KCNJ3: variants seen among roughly 807,000 people sequenced by gnomAD.
The protein encoded by KCNJ3 is potassium inwardly rectifying channel subfamily J member 3.
KCNJ3 carries 4 observed loss-of-function variants against 39.2 expected under a neutral mutation model. The observed-to-expected ratio is 0.10, with a 90% CI of 0.05 to 0.23. The LOEUF is 0.23. Among genes scored for constraint, KCNJ3 ranks in the 10% least tolerant of loss-of-function variants. The pLI is 1.00. For missense variants in KCNJ3, 276 were observed against 634.9 expected (o/e 0.43, Z 6.08); for synonymous variants, 230 against 237.4 (o/e 0.97, Z 0.29).
intron 2 of KCNJ3, among the ~76,000 whole-genome samples, chr2:154,772,858 A>G (rs957448791): frequency 3.3e-5 from 5 of 152,004 alleles, no homozygotes; most frequent in East Asian, 3.9e-4. Context: ...TAAAGCTTCA[A>G]TCATACAAAC....
intron 2 of KCNJ3, among the ~76,000 whole-genome samples, chr2:154,783,828 A>G (rs776326646): frequency 6.6e-6 from 1 of 152,176 alleles, no homozygotes; most frequent in African/African-American, 2.4e-5. Context: ...TTTTTTAAAA[A>G]TTTGCTGAGT....
intron 2 of KCNJ3, among the ~76,000 whole-genome samples, chr2:154,762,585 C>A (rs1321085605): frequency 6.6e-6 from 1 of 152,130 alleles, no homozygotes; most frequent in Non-Finnish European, 1.5e-5. Context: ...CTCTTGGGAA[C>A]TTGGTTTCCT....
intron 2 of KCNJ3, among the ~76,000 whole-genome samples, chr2:154,761,062 CTTTT>C (rs11375045): frequency 2.2e-5 from 3 of 133,922 alleles, no homozygotes; most frequent in Non-Finnish European, 4.7e-5. Flanking sequence ...TTAATTTTTT[CTTTT>C]TTTTTTTTTT....
At chr2:154,769,124 A>G (rs138711036) in intron 2 of KCNJ3, among the ~76,000 whole-genome samples, 2,491 of 152,250 alleles carry the variant, frequency 0.016, 72 homozygotes, top group African/African-American at 0.057. Flanking sequence ...CAATCATGTC[A>G]TCTGCAAACA....
At chr2:154,740,835 G>A (rs531985802) in intron 2 of KCNJ3, among the ~76,000 whole-genome samples, 1 of 152,094 alleles carries the variant, frequency 6.6e-6, no homozygotes, top group African/African-American at 2.4e-5. Flanking sequence ...ACCAGTTCTA[G>A]CTCTGTACCT....
At chr2:154,715,466 C>T (rs1685166538) in intron 2 of KCNJ3, among the ~76,000 whole-genome samples, 2 of 152,154 alleles carry the variant, frequency 1.3e-5, no homozygotes, top group East Asian at 3.9e-4. Context: ...TCTCATATAG[C>T]ACAAGAGTGG....
At chr2:154,803,797 A>G (rs1686862449) in intron 2 of KCNJ3, among the ~76,000 whole-genome samples, 1 of 152,070 alleles carries the variant, frequency 6.6e-6, no homozygotes, top group African/African-American at 2.4e-5. Context: ...GTCAAGATTA[A>G]TGCTGAATTT....
intron 1 of KCNJ3, among the ~76,000 whole-genome samples, chr2:154,703,477 A>ATG (rs755564498): frequency 2.2e-5 from 3 of 136,642 alleles, no homozygotes; most frequent in South Asian, 4.8e-4. Flanking sequence ...TCCTCCATAT[A>ATG]TATGTGTGTG....
intron 2 of KCNJ3, among the ~76,000 whole-genome samples, chr2:154,774,388 T>TGATG (rs200256113): frequency 0.42 from 64,052 of 151,516 alleles, 13,722 homozygotes; most frequent in African/African-American, 0.47. Flanking sequence ...TTGCATTGCT[T>TGATG]CAAGTGTTTT....
chr2:154,759,683 A>AT (rs1306148162), intron 2 of KCNJ3, among the ~76,000 whole-genome samples: 1 of 152,002 alleles, frequency 6.6e-6, no homozygotes, highest in Non-Finnish European at 1.5e-5. Context: ...CCATGTATTG[A>AT]TTTTTACTTT....
At chr2:154,777,229 T>C (rs1366553614) in intron 2 of KCNJ3, among the ~76,000 whole-genome samples, 1 of 152,236 alleles carries the variant, frequency 6.6e-6, no homozygotes, top group Non-Finnish European at 1.5e-5. Flanking sequence ...TGAATTGCAT[T>C]GCAATAGGCC....
rs1684853395 is a variant in KCNJ3 at position 154,699,701 on chromosome 2, G to A, written c.702+224G>A. 1 of 229,548 alleles carries A rather than the reference G, an allele frequency of 4.4e-6. No homozygotes were observed. Among genetic ancestry groups the A allele is most frequent in the Non-Finnish European group, 7.2e-6 (1 of 138,858 alleles). 14.2% of individuals were successfully genotyped at this position (229,548 alleles called of 1,614,324 possible). A position where few individuals can be genotyped will look rare whatever the true frequency, so the allele number is the denominator to read the frequency against. On this transcript the variant is annotated intron_variant, in intron 1 of 2. Transcript: ENST00000295101. The surrounding 1 kb of genome is among the most constrained non-coding windows in gnomAD (Gnocchi z 6.4). ...TGCTCTTGTTTATATTCGTCATTTC[G>A]GATCTGCTTGTATCACTTACTGGAC...
At chr2:154,764,154 G>C (rs62170802) in intron 2 of KCNJ3, among the ~76,000 whole-genome samples, 7,910 of 152,260 alleles carry the variant, frequency 0.052, 221 homozygotes, top group African/African-American at 0.06. Flanking sequence ...AGTGCTAGCA[G>C]TATCTCCATT....
intron 2 of KCNJ3, among the ~76,000 whole-genome samples, chr2:154,786,156 T>A (rs1368886381): frequency 6.6e-6 from 1 of 152,212 alleles, no homozygotes; most frequent in Admixed American, 6.5e-5. Flanking sequence ...CTTTGGAAAG[T>A]GTTTCAGATC....
chr2:154,770,701 T>G (rs1472825743), intron 2 of KCNJ3, among the ~76,000 whole-genome samples: 1 of 152,118 alleles, frequency 6.6e-6, no homozygotes, highest in African/African-American at 2.4e-5. Context: ...CTAATTTTCA[T>G]TCACTAGAAA....
intron 2 of KCNJ3, among the ~76,000 whole-genome samples, chr2:154,816,200 A>T (rs1054513094): frequency 1.3e-5 from 2 of 152,204 alleles, no homozygotes; most frequent in South Asian, 2.1e-4. Context: ...CAGTTAAAAA[A>T]TTTTATAAAA....
chr2:154,806,792 C>T (rs2105097833), intron 2 of KCNJ3, among the ~76,000 whole-genome samples: 1 of 152,270 alleles, frequency 6.6e-6, no homozygotes, highest in South Asian at 2.1e-4. Context: ...ATTCAGCTAC[C>T]TGAGCAAATC....
intron 2 of KCNJ3, among the ~76,000 whole-genome samples, chr2:154,792,758 T>C (rs777169860): frequency 1.3e-5 from 2 of 152,100 alleles, no homozygotes; most frequent in Non-Finnish European, 2.9e-5. Flanking sequence ...TTTTAGTTAT[T>C]TGGGTGTTTT....
At chr2:154,733,495 C>A (rs1008156212) in intron 2 of KCNJ3, among the ~76,000 whole-genome samples, 4 of 152,042 alleles carry the variant, frequency 2.6e-5, no homozygotes, top group African/African-American at 9.7e-5. Context: ...TAAGTTGAGG[C>A]CCTCTTTGGA....
Sources: gnomAD v4.1 joint callset for allele counts (sites outside exome capture counted in the v4.1 genomes callset) on GRCh38, gnomAD v4.1.1 for gene constraint, Gnocchi (gnomAD v3.1) non-coding constraint, MANE v1.5 for transcripts, NCBI Gene and HGNC (gene_info 2026-07-23, HGNC 2026-07-21) for gene names.